TSC22D1: variants seen among roughly 807,000 people sequenced by gnomAD.
The protein encoded by TSC22D1 is TSC22 domain family member 1.
A neutral mutation model predicts 74.2 loss-of-function variants in TSC22D1; 9 were observed. The ratio of observed to expected loss-of-function variants is 0.12; its 90% confidence interval spans 0.07 to 0.21. The LOEUF (loss-of-function observed/expected upper bound fraction) is 0.21, where lower values mean the gene tolerates loss of function less well. Ranked by LOEUF, TSC22D1 falls within the 10% of genes least tolerant of loss-of-function variation. The probability of loss-of-function intolerance (pLI) is 1.00; values close to 1 mark genes in which losing one functional copy is unlikely to be tolerated. For missense variants in TSC22D1, 1,427 were observed against 1,304.7 expected, an observed-to-expected ratio of 1.09 and a Z score of -1.44; for synonymous variants, 586 against 492.5, an observed-to-expected ratio of 1.19 and a Z score of -2.51.
chr13:44,455,616 C>A (rs150120135), intron 1 of TSC22D1, among the ~76,000 whole-genome samples: 10 of 152,304 alleles, frequency 6.6e-5, no homozygotes, highest in African/African-American at 2.2e-4. Flanking sequence ...TCAGGTCCTC[C>A]TGTAGAATCA....
chr13:44,483,616 G>A (rs543462502), intron 1 of TSC22D1, among the ~76,000 whole-genome samples: 2 of 151,542 alleles, frequency 1.3e-5, no homozygotes, highest in African/African-American at 2.4e-5. Flanking sequence ...TGCAGTGAGC[G>A]GAGATCGCGC....
chr13:44,438,749 C>G (rs1874943926), intron 1 of TSC22D1, among the ~76,000 whole-genome samples: 1 of 151,964 alleles, frequency 6.6e-6, no homozygotes, highest in Non-Finnish European at 1.5e-5. Flanking sequence ...GCTTAGAAAT[C>G]GTAATTATTT....
At chr13:44,562,393 T>C (rs1429518989) in intron 1 of TSC22D1, among the ~76,000 whole-genome samples, 2 of 152,238 alleles carry the variant, frequency 1.3e-5, no homozygotes, top group South Asian at 2.1e-4. Flanking sequence ...TATATCCTTA[T>C]ACTTTGAAAA....
intron 1 of TSC22D1, among the ~76,000 whole-genome samples, chr13:44,505,793 T>C (rs1879421760): frequency 6.6e-6 from 1 of 152,200 alleles, no homozygotes; most frequent in Admixed American, 6.5e-5. Context: ...CCATGCTACA[T>C]TCTGTGAGGG....
At chr13:44,552,449 A>G (rs187573868) in intron 1 of TSC22D1, among the ~76,000 whole-genome samples, 1 of 152,238 alleles carries the variant, frequency 6.6e-6, no homozygotes, top group East Asian at 1.9e-4. Context: ...GAAGTTAACT[A>G]GTTCTTTCTA....
At chr13:44,483,449 C>G (rs1878276112) in intron 1 of TSC22D1, among the ~76,000 whole-genome samples, 2 of 152,120 alleles carry the variant, frequency 1.3e-5, no homozygotes, top group African/African-American at 4.8e-5. Context: ...ATCATGAGGT[C>G]AGGAGATCGA....
chr13:44,508,818 C>T (rs1331180688), intron 1 of TSC22D1, among the ~76,000 whole-genome samples: 2 of 152,072 alleles, frequency 1.3e-5, no homozygotes, highest in African/African-American at 4.8e-5. Flanking sequence ...GGCTCCTTTC[C>T]ACAGCAGAGC....
chr13:44,457,589 CAG>C (rs1456122273), intron 1 of TSC22D1, among the ~76,000 whole-genome samples: 1 of 50,508 alleles, frequency 2.0e-5, no homozygotes, highest in Non-Finnish European at 4.0e-5. Context: ...CCTAAAGAAA[CAG>C]AAGAAAAAGA....
chr13:44,469,930 C>G (rs1450861083), intron 1 of TSC22D1, among the ~76,000 whole-genome samples: 1 of 152,090 alleles, frequency 6.6e-6, no homozygotes, highest in Non-Finnish European at 1.5e-5. Flanking sequence ...CTCCATTACC[C>G]CTTGAGGACT....
At chr13:44,446,150 C>CAT in intron 1 of TSC22D1, among the ~76,000 whole-genome samples, 2 of 152,302 alleles carry the variant, frequency 1.3e-5, no homozygotes, top group South Asian at 4.1e-4. Flanking sequence ...AACCATGGTA[C>CAT]ATCTAGACAA....
intron 1 of TSC22D1, among the ~76,000 whole-genome samples, chr13:44,553,147 G>T (rs574697716): frequency 2.0e-5 from 3 of 152,140 alleles, no homozygotes; most frequent in African/African-American, 4.8e-5. Context: ...TGAAGCAAAC[G>T]AACATTTCTC....
chr13:44,540,094 A>G, intron 1 of TSC22D1: 1 of 396,732 alleles, frequency 2.5e-6, no homozygotes, highest in Non-Finnish European at 4.7e-6. Context: ...GTCACCACAA[A>G]TGATTAATTC....
intron 1 of TSC22D1, among the ~76,000 whole-genome samples, chr13:44,481,594 T>C (rs1362688671): frequency 6.6e-6 from 1 of 152,210 alleles, no homozygotes; most frequent in Admixed American, 6.5e-5. Flanking sequence ...TACAAGCATC[T>C]ACTATGCTCA....
chr13:44,485,529 G>A (rs765206448), intron 1 of TSC22D1, among the ~76,000 whole-genome samples: 3 of 152,066 alleles, frequency 2.0e-5, no homozygotes, highest in East Asian at 1.9e-4. Flanking sequence ...TTTCAAAAAT[G>A]TCCTACTAGT....
At chr13:44,437,405 A>AT (rs1364493944) in intron 1 of TSC22D1, 9 of 294,816 alleles carry the variant, frequency 3.1e-5, no homozygotes, top group African/African-American at 4.6e-5. Flanking sequence ...GCAATCATGT[A>AT]TTTTTTTAAT....
At position 44,441,599 on chromosome 13, in the gene TSC22D1, GTATAAA is replaced by G. The variant is rs575167999; in HGVS notation, c.2913-5510_2913-5505del. ...ATGGAAAAAGCAAGAAATAGTGTAAGTATAAATATATTACATAGAAATGTGGAGGTA... is the reference window on the plus strand; with the variant it reads ...ATGGAAAAAGCAAGAAATAGTGTAAGTATATTACATAGAAATGTGGAGGTA... On this transcript the variant is annotated intron_variant, in intron 1 of 2. Transcript: ENST00000458659. Among the ~76,000 whole-genome samples the G allele has an allele frequency of 2.0e-3, 311 of 152,168 alleles. 1 individual carries two copies. The highest frequency in any genetic ancestry group is 7.3e-3 in the African/African-American group (304 of 41,502).
At chr13:44,559,791 A>G (rs923745584) in intron 1 of TSC22D1, among the ~76,000 whole-genome samples, 1 of 151,868 alleles carries the variant, frequency 6.6e-6, no homozygotes, top group Non-Finnish European at 1.5e-5. Context: ...TCCAGGTCCA[A>G]ACGATTCTCA....
At chr13:44,518,689 G>C (rs1880166912) in intron 1 of TSC22D1, among the ~76,000 whole-genome samples, 1 of 152,090 alleles carries the variant, frequency 6.6e-6, no homozygotes, top group African/African-American at 2.4e-5. Context: ...CCAAATTACT[G>C]GTTTTTTATC....
chr13:44,514,153 T>C (rs1021168198), intron 1 of TSC22D1, among the ~76,000 whole-genome samples: 1 of 152,172 alleles, frequency 6.6e-6, no homozygotes, highest in African/African-American at 2.4e-5. Flanking sequence ...GAATTATTCA[T>C]TAAGTGTTAT....
Sources: allele counts gnomAD v4.1 joint callset (sites outside exome capture counted in the v4.1 genomes callset), GRCh38; gene constraint gnomAD v4.1.1; transcripts MANE v1.5; gene names NCBI Gene and HGNC (gene_info 2026-07-23, HGNC 2026-07-21).